Variants in FCRL2 observed in about 807,000 individuals in gnomAD.
The protein encoded by FCRL2 is Fc receptor-like protein 2.
FCRL2 carries 48 observed loss-of-function variants against 59.8 expected under a neutral mutation model. The observed-to-expected ratio is 0.80, with a 90% CI of 0.64 to 1.02. The LOEUF (loss-of-function observed/expected upper bound fraction) is 1.02, where lower values mean the gene tolerates loss of function less well. Among genes scored for constraint, FCRL2 ranks in the 50% least tolerant of loss-of-function variants. The pLI, the probability that FCRL2 is intolerant of heterozygous loss-of-function variation, is 0.00. For synonymous variants in FCRL2, 251 were observed against 229.5 expected (o/e 1.09, Z -0.85); for missense variants, 658 against 597.3 (o/e 1.10, Z -1.06).
Position 157,768,608 on chromosome 1 carries a change from C to T in FCRL2, c.689G>A (p.Gly230Glu), listed in dbSNP as rs747518688. Reference protein sequence around the residue: ...QKLILLCSVAGGTGNVTFSWY... With the variant: ...QKLILLCSVAEGTGNVTFSWY... The stretch of plus-strand genomic sequence containing the variant: ...GGAGAATGTGACATTTCCTGTACCC[C>T]CAGCCACTGAGCAGAGCAGGATCAG... Residue 230 changes from glycine to glutamate, a missense_variant, in exon 5 of 12, where the codon GGG becomes GAG. Transcript: ENST00000361516. 3.1e-6 allele frequency: 5 copies of T among 1,614,180 alleles called. No individual in the cohort carries two copies. The highest frequency in any genetic ancestry group is 1.7e-5 in the Admixed American group (1 of 60,026).
At chr1:157,751,421 T>C (rs1648175087) in intron 7 of FCRL2, among the ~76,000 whole-genome samples, 1 of 152,210 alleles carries the variant, frequency 6.6e-6, no homozygotes, top group African/African-American at 2.4e-5. Flanking sequence ...ATGAGGAGCC[T>C]ATAGTCAATC....
chr1:157,770,688 C>T lies in FCRL2; in HGVS notation c.53-22G>A, dbSNP rs766269937. ...GAATCTGGAAGAGAAGGAGGGAAAC[C>T]GGATTTGCCATTTCTGCAGAGAACC... On this transcript the variant is annotated intron_variant, in intron 2 of 11. Transcript: ENST00000361516. 4.3e-6 allele frequency: 7 copies of T among 1,612,828 alleles called. No homozygotes were observed. The Admixed American group carries it at 1.0e-4, about 23-fold the overall frequency.
chr1:157,748,521 C>G (rs747540646), intron 10 of FCRL2, 32 bp downstream of exon 10: 2 of 1,536,812 alleles, frequency 1.3e-6, no homozygotes, highest in African/African-American at 2.7e-5. Context: ...TGTGAATATG[C>G]ATCTGACAAG....
rs570445511 is a variant in FCRL2, at chr1:157,762,911, A to G, written c.1279+3944T>C. On this transcript the variant is annotated intron_variant, in intron 7 of 11. Coordinates refer to ENST00000361516, the MANE Select transcript of FCRL2 (RefSeq NM_030764.4). ...GCAAAAGCTGATACAGTTCATCACC[A>G]CTAGCCCAGCCCTGTAAGAAATGCT... Among the ~76,000 whole-genome samples the G allele has an allele frequency of 2.0e-5, 3 of 152,332 alleles. No individual in the cohort carries two copies. In the East Asian group the frequency reaches 5.8e-4, roughly 29 times the overall value.
chr1:157,759,831 C>T (rs942793235), intron 7 of FCRL2, among the ~76,000 whole-genome samples: 1 of 152,128 alleles, frequency 6.6e-6, no homozygotes, highest in Admixed American at 6.5e-5. Flanking sequence ...GAACAATTAA[C>T]ACATTGTTGG....
chr1:157,760,690 A>AAG (rs1648970697), intron 7 of FCRL2, among the ~76,000 whole-genome samples: 1 of 112,880 alleles, frequency 8.9e-6, no homozygotes, highest in African/African-American at 3.8e-5. Flanking sequence ...AAAGAAAGAA[A>AAG]GAAAGAAGGA....
At chr1:157,765,733 C>A (rs951990360) in intron 7 of FCRL2, among the ~76,000 whole-genome samples, 3 of 152,184 alleles carry the variant, frequency 2.0e-5, no homozygotes, top group Non-Finnish European at 2.9e-5. Context: ...GCTTAAAATT[C>A]TTTGACAGTT....
intron 10 of FCRL2, 91 bp from the exon 11 acceptor site, chr1:157,746,990 G>GCC: frequency 4.5e-6 from 6 of 1,334,500 alleles, no homozygotes; most frequent in Non-Finnish European, 5.3e-6. Context: ...GAACTACTAT[G>GCC]CTTAGTATGT....
intron 7 of FCRL2, 45 bp downstream of exon 7, chr1:157,766,810 G>A: frequency 6.2e-7 from 1 of 1,612,306 alleles, no homozygotes; most frequent in Non-Finnish European, 8.5e-7. Flanking sequence ...ATCAGTAGTG[G>A]AAAGGTCATA....
chr1:157,767,454 C>T lies in FCRL2; in HGVS notation c.939G>A (p.Val313=), dbSNP rs961627528. 11 of 1,614,232 alleles carry T rather than the reference C, an allele frequency of 6.8e-6. No homozygotes were observed. Among genetic ancestry groups the T allele is most frequent in the Non-Finnish European group, 9.3e-6 (11 of 1,180,040 alleles). The change falls in exon 6 of 12, where the codon GTG becomes GTA. Residue 313 remains valine (V), a synonymous_variant. Transcript: ENST00000361516. ...TLRSPGAQAA[V]GDLLELHCEA... ...CACAGTGAAGCTCCAGCAGGTCCCC[C>T]ACTGCAGCCTGGGCCCCAGGAGACC...
intron 2 of FCRL2, among the ~76,000 whole-genome samples, chr1:157,774,675 A>G (rs1650274831): frequency 6.6e-6 from 1 of 152,226 alleles, no homozygotes; most frequent in Non-Finnish European, 1.5e-5. Flanking sequence ...ATCCAGACAG[A>G]CAGTGGAGTG....
intron 7 of FCRL2, 105 bp from the exon 8 acceptor site, chr1:157,749,782 T>G (rs1353138105): frequency 1.3e-6 from 1 of 768,460 alleles, no homozygotes; most frequent in Non-Finnish European, 2.2e-6. Context: ...ACATAAGATA[T>G]AGAAGAGTAA....
In FCRL2 at chr1:157,765,820, T is replaced by C. The variant is rs187927971; in HGVS notation, c.1279+1035A>G. Among the ~76,000 whole-genome samples, 65 of 152,322 alleles carry C rather than the reference T, an allele frequency of 4.3e-4. 1 individual carries two copies. In the East Asian group the frequency reaches 0.012, roughly 28 times the overall value. On this transcript the variant is annotated intron_variant, in intron 7 of 11. Transcript: ENST00000361516. ...TTGAAGCACCAGGACATAATAAAAT[T>C]GTTGTAGAAGTGACAAAACATCATA...
chr1:157,768,948 C>A, intron 4 of FCRL2: 1 of 414,996 alleles, frequency 2.4e-6, no homozygotes, highest in Non-Finnish European at 4.3e-6. Context: ...TGATAGATCT[C>A]CATGAGACAG....
At chr1:157,755,434 G>T (rs1004400918) in intron 7 of FCRL2, among the ~76,000 whole-genome samples, 1 of 152,124 alleles carries the variant, frequency 6.6e-6, no homozygotes, top group African/African-American at 2.4e-5. Flanking sequence ...GTATAATTTT[G>T]TACAACTATG....
chr1:157,771,361 T>C (rs556387175), intron 2 of FCRL2, among the ~76,000 whole-genome samples: 1 of 152,286 alleles, frequency 6.6e-6, no homozygotes, highest in Admixed American at 6.5e-5. Flanking sequence ...CAGAGCTCTA[T>C]ACTGTGTTAT....
At chr1:157,771,331 C>T (rs1650004804) in intron 2 of FCRL2, among the ~76,000 whole-genome samples, 1 of 152,158 alleles carries the variant, frequency 6.6e-6, no homozygotes, top group African/African-American at 2.4e-5. Flanking sequence ...TTTTCATCCT[C>T]CATGCTGTCA....
chr1:157,775,358 T>C (rs1278673548), intron 2 of FCRL2, among the ~76,000 whole-genome samples: 1 of 152,224 alleles, frequency 6.6e-6, no homozygotes, highest in Non-Finnish European at 1.5e-5. Flanking sequence ...ATGTTTATTC[T>C]GACCCTGCAG....
Position 157,769,911 on chromosome 1 carries a change from G to A in FCRL2, c.550C>T (p.His184Tyr). The change falls in exon 4 of 12, where the codon CAC (histidine) becomes TAC (tyrosine). Residue 184 changes from histidine (H) to tyrosine (Y), a missense_variant. Physicochemically the swap from His to Tyr is moderately conservative, Grantham distance 83 (BLOSUM62 2). Coordinates refer to ENST00000361516, the MANE Select transcript of FCRL2 (RefSeq NM_030764.4). ...SYWCKAETVT[H>Y]RIRKQSLQSQ... ...TGGAGGCTCTGTTTTCTGATCCTGT[G>A]AGTCACCGTTTCTGCCTTGCACCAG... 1 of 1,614,154 alleles carries A rather than the reference G, an allele frequency of 6.2e-7. No individual in the cohort carries two copies. The highest frequency in any genetic ancestry group is 8.5e-7 in the Non-Finnish European group (1 of 1,180,010).
Sources: gnomAD v4.1 joint callset for allele counts (sites outside exome capture counted in the v4.1 genomes callset) on GRCh38, gnomAD v4.1.1 for gene constraint, MANE v1.5 for transcripts, NCBI Gene and HGNC (gene_info 2026-07-23, HGNC 2026-07-21) for gene names.